CCDC178: variants seen among roughly 807,000 people sequenced by gnomAD.
The protein encoded by CCDC178 is coiled-coil domain containing 178.
CCDC178 carries 126 observed loss-of-function variants against 117.4 expected under a neutral mutation model. The ratio of observed to expected loss-of-function variants is 1.07; its 90% confidence interval spans 0.93 to 1.24. The LOEUF is 1.24. Among genes scored for constraint, CCDC178 ranks in the 50% most tolerant of loss-of-function variants. The pLI, the probability that CCDC178 is intolerant of heterozygous loss-of-function variation, is 0.00. For missense variants in CCDC178, 1,030 were observed against 986.9 expected, an observed-to-expected ratio of 1.04 and a Z score of -0.59; for synonymous variants, 283 against 313.4, an observed-to-expected ratio of 0.90 and a Z score of 1.02.
chr18:33,231,662 C>T (rs2059370104), intron 15 of CCDC178, among the ~76,000 whole-genome samples: 1 of 152,128 alleles, frequency 6.6e-6, no homozygotes, highest in Non-Finnish European at 1.5e-5. Flanking sequence ...GGCGCTGTGT[C>T]CTGGTTCCTT....
At chr18:33,292,804 G>C (rs756744127) in intron 12 of CCDC178, among the ~76,000 whole-genome samples, 1 of 152,010 alleles carries the variant, frequency 6.6e-6, no homozygotes, top group Non-Finnish European at 1.5e-5. Flanking sequence ...AGGGGGTCTA[G>C]TGTGATATTT....
intron 11 of CCDC178, among the ~76,000 whole-genome samples, chr18:33,306,458 T>A (rs2144929966): frequency 8.8e-6 from 1 of 113,124 alleles, no homozygotes; most frequent in Admixed American, 9.3e-5. Flanking sequence ...GTACATATGG[T>A]TATATATATA....
At chr18:33,353,317 TAG>T (rs1389197157) in intron 7 of CCDC178, among the ~76,000 whole-genome samples, 1 of 152,114 alleles carries the variant, frequency 6.6e-6, no homozygotes, top group Non-Finnish European at 1.5e-5. Flanking sequence ...GAGACTCTCA[TAG>T]ACAGAATAGT....
intron 20 of CCDC178, among the ~76,000 whole-genome samples, chr18:33,198,006 A>G (rs1270219880): frequency 1.3e-5 from 2 of 152,124 alleles, no homozygotes; most frequent in Non-Finnish European, 2.9e-5. Context: ...ATGACACCCA[A>G]ATTTGAGATA....
At chr18:33,293,614 G>A (rs1165220813) in intron 11 of CCDC178, among the ~76,000 whole-genome samples, 2 of 152,116 alleles carry the variant, frequency 1.3e-5, no homozygotes, top group Non-Finnish European at 2.9e-5. Context: ...GTAGTGAGCT[G>A]TGATTGATCC....
intron 11 of CCDC178, among the ~76,000 whole-genome samples, chr18:33,309,939 TTTTATTTATTTATTTATTTATTTA>T (rs138569090): frequency 0.75 from 106,195 of 141,212 alleles, 42,019 homozygotes; most frequent in East Asian, 0.87. Context: ...TTTTCTTTTC[TTTTATTTATTTATTTATTTATTTA>T]TTTATTTATT....
intron 19 of CCDC178, among the ~76,000 whole-genome samples, chr18:33,214,514 A>G (rs1317411717): frequency 1.3e-5 from 2 of 151,998 alleles, no homozygotes; most frequent in Non-Finnish European, 2.9e-5. Flanking sequence ...AAAAATTTTC[A>G]TCAGCTCCTG....
intron 14 of CCDC178, among the ~76,000 whole-genome samples, chr18:33,250,747 A>G (rs2059611213): frequency 1.3e-5 from 2 of 151,636 alleles, no homozygotes; most frequent in Non-Finnish European, 3.0e-5. Flanking sequence ...ATATAGCAAA[A>G]CTATACCCGA....
chr18:33,370,641 T>G (rs567014721), intron 5 of CCDC178, among the ~76,000 whole-genome samples: 1 of 152,106 alleles, frequency 6.6e-6, no homozygotes, highest in Non-Finnish European at 1.5e-5. Flanking sequence ...GCATTGAAGT[T>G]CTTCCTTAAA....
chr18:33,150,207 A>G (rs1035456738), intron 20 of CCDC178, among the ~76,000 whole-genome samples: 42 of 152,268 alleles, frequency 2.8e-4, no homozygotes, highest in Admixed American at 2.0e-3. Context: ...AAACTGGATC[A>G]CCATCTCCCA....
intron 21 of CCDC178, among the ~76,000 whole-genome samples, chr18:33,011,383 T>A (rs551495561): frequency 6.6e-6 from 1 of 152,120 alleles, no homozygotes; most frequent in African/African-American, 2.4e-5. Context: ...GCCATTTGCA[T>A]CTGAGGAAGA....
intron 22 of CCDC178, among the ~76,000 whole-genome samples, chr18:32,952,898 G>A (rs917129024): frequency 7.3e-5 from 11 of 149,804 alleles, no homozygotes; most frequent in African/African-American, 2.7e-4. Context: ...TCAGCCTCCC[G>A]AGTAGCTGGG....
At chr18:33,255,001 T>G (rs1385539161) in intron 14 of CCDC178, among the ~76,000 whole-genome samples, 3 of 152,042 alleles carry the variant, frequency 2.0e-5, no homozygotes, top group Non-Finnish European at 4.4e-5. Flanking sequence ...CTTTGTGCTG[T>G]TCTCGCTATA....
In CCDC178 at chr18:33,077,681, A is replaced by G. The variant is rs139247391; in HGVS notation, c.2388+15080T>C. On this transcript the variant is annotated intron_variant, in intron 21 of 22. Transcript: ENST00000383096. ...GTGCACACAAACTAGAAAACCTAGGAGAGATGGATAAATTCCTGGACACAT... is the reference window on the plus strand; with the variant it reads ...GTGCACACAAACTAGAAAACCTAGGGGAGATGGATAAATTCCTGGACACAT... Among the ~76,000 whole-genome samples the G allele has an allele frequency of 3.3e-3, 499 of 152,306 alleles. 5 individuals carry two copies. The highest frequency in any genetic ancestry group is 0.011 in the African/African-American group (473 of 41,564).
At chr18:33,042,073 A>G (rs933410723) in intron 21 of CCDC178, among the ~76,000 whole-genome samples, 8 of 151,966 alleles carry the variant, frequency 5.3e-5, no homozygotes, top group Non-Finnish European at 1.2e-4. Context: ...TTAGGAATGG[A>G]GCATCAATGA....
intron 3 of CCDC178, among the ~76,000 whole-genome samples, chr18:33,404,162 G>T (rs560379754): frequency 6.6e-6 from 1 of 152,060 alleles, no homozygotes; most frequent in Non-Finnish European, 1.5e-5. Context: ...AAAACCCAGA[G>T]ATCTGTACCA....
chr18:33,065,039 A>C (rs1297948405), intron 21 of CCDC178, among the ~76,000 whole-genome samples: 1 of 152,060 alleles, frequency 6.6e-6, no homozygotes, highest in Admixed American at 6.6e-5. Flanking sequence ...AAAAAAAAAA[A>C]AAAAGAGTTG....
intron 21 of CCDC178, among the ~76,000 whole-genome samples, chr18:33,045,846 C>T (rs531026150): frequency 4.0e-4 from 61 of 152,220 alleles, no homozygotes; most frequent in Middle Eastern, 3.4e-3. Context: ...GCGGGCAGAT[C>T]ACTTGAGGTC....
At chr18:32,965,727 T>C (rs1886441762) in intron 22 of CCDC178, among the ~76,000 whole-genome samples, 1 of 151,660 alleles carries the variant, frequency 6.6e-6, no homozygotes. Flanking sequence ...ATATGAAAGT[T>C]TACTTTTCTT....
Sources: allele counts gnomAD v4.1 joint callset (sites outside exome capture counted in the v4.1 genomes callset), GRCh38; gene constraint gnomAD v4.1.1; transcripts MANE v1.5; gene names NCBI Gene and HGNC (gene_info 2026-07-23, HGNC 2026-07-21).